Variants in CSMD1 observed in about 807,000 individuals in gnomAD.
CSMD1 encodes the protein CUB and Sushi multiple domains 1, also known as CUB and sushi domain-containing protein 1.
In CSMD1, 213 loss-of-function variants were observed where a neutral mutation model predicts 417.5. The observed-to-expected ratio is 0.51, with a 90% CI of 0.46 to 0.57. CSMD1 has a LOEUF of 0.57. CSMD1 is among the 20% of genes least tolerant of loss of function. The probability of loss-of-function intolerance (pLI) is 0.00; values close to 1 mark genes in which losing one functional copy is unlikely to be tolerated. For missense variants in CSMD1, 6,923 were observed against 4,529.7 expected (o/e 1.53, Z -15.17); for synonymous variants, 2,862 against 1,736.8 (o/e 1.65, Z -16.11).
At chr8:3,097,107 T>G in intron 46 of CSMD1, 70 bp from the exon 47 acceptor site, 1 of 1,249,336 alleles carries the variant, frequency 8.0e-7, no homozygotes, top group Non-Finnish European at 1.1e-6. Context: ...ATAGTTTCTA[T>G]CCCTGTATAA....
chr8:3,013,393 C>A (rs1471749963), intron 52 of CSMD1, among the ~76,000 whole-genome samples: 1 of 152,180 alleles, frequency 6.6e-6, no homozygotes, highest in Non-Finnish European at 1.5e-5. Flanking sequence ...CACCTGATAG[C>A]ATTTTAAATA....
chr8:4,803,379 T>G (rs992629071), intron 1 of CSMD1, among the ~76,000 whole-genome samples: 1 of 152,208 alleles, frequency 6.6e-6, no homozygotes, highest in Non-Finnish European at 1.5e-5. Context: ...CTACCAGTGA[T>G]GTACTCAACA....
At chr8:4,642,201 T>C (rs1023819758) in intron 1 of CSMD1, among the ~76,000 whole-genome samples, 30 of 152,000 alleles carry the variant, frequency 2.0e-4, no homozygotes, top group African/African-American at 6.0e-4. Flanking sequence ...AGCCATGGAG[T>C]TGATGGTTGG....
At chr8:3,178,044 G>C (rs1433098629) in intron 37 of CSMD1, among the ~76,000 whole-genome samples, 1 of 152,112 alleles carries the variant, frequency 6.6e-6, no homozygotes, top group Non-Finnish European at 1.5e-5. Context: ...TAATCTTTTT[G>C]AGCTTTTACT....
chr8:3,823,298 C>G (rs1478885416), intron 5 of CSMD1, among the ~76,000 whole-genome samples: 2 of 152,164 alleles, frequency 1.3e-5, no homozygotes, highest in Non-Finnish European at 2.9e-5. Flanking sequence ...ATCGCTTCCT[C>G]CTGCAAACCA....
At chr8:3,361,651 C>CAAAA (rs765648287) in intron 20 of CSMD1, among the ~76,000 whole-genome samples, 133 of 78,790 alleles carry the variant, frequency 1.7e-3, no homozygotes, top group East Asian at 3.0e-3. Flanking sequence ...GATTCCATCT[C>CAAAA]AAAAAAAAAA....
At chr8:3,273,929 C>G (rs1206759098) in intron 26 of CSMD1, among the ~76,000 whole-genome samples, 1 of 152,002 alleles carries the variant, frequency 6.6e-6, no homozygotes, top group African/African-American at 2.4e-5. Flanking sequence ...CTATTTCCTT[C>G]AGTTCTACTC....
intron 5 of CSMD1, among the ~76,000 whole-genome samples, chr8:3,897,031 C>A (rs1807418121): frequency 6.6e-6 from 1 of 151,930 alleles, no homozygotes; most frequent in African/African-American, 2.4e-5. Flanking sequence ...CTCCCTGGAT[C>A]TAATTTTTGT....
chr8:3,958,845 G>A (rs566434568), intron 5 of CSMD1, among the ~76,000 whole-genome samples: 2 of 152,170 alleles, frequency 1.3e-5, no homozygotes, highest in Non-Finnish European at 2.9e-5. Context: ...TTGTGTAGTA[G>A]GTGAAGTGTA....
chr8:4,355,547 G>A (rs1375476211), intron 3 of CSMD1, among the ~76,000 whole-genome samples: 4 of 152,168 alleles, frequency 2.6e-5, no homozygotes, highest in African/African-American at 4.8e-5. Context: ...CAGTACATAA[G>A]TGAAGAAATA....
chr8:3,661,183 C>T (rs564126410), intron 7 of CSMD1, among the ~76,000 whole-genome samples: 1 of 152,190 alleles, frequency 6.6e-6, no homozygotes, highest in African/African-American at 2.4e-5. Flanking sequence ...TTGCAACTAA[C>T]TGAACAGGCA....
At chr8:3,895,507 A>T (rs1294541968) in intron 5 of CSMD1, among the ~76,000 whole-genome samples, 1 of 152,170 alleles carries the variant, frequency 6.6e-6, no homozygotes, top group Non-Finnish European at 1.5e-5. Flanking sequence ...TATCAATTTA[A>T]GTGTATCTAT....
At chr8:4,665,439 G>A (rs1007396009) in intron 1 of CSMD1, among the ~76,000 whole-genome samples, 1 of 152,164 alleles carries the variant, frequency 6.6e-6, no homozygotes, top group Non-Finnish European at 1.5e-5. Flanking sequence ...CCATAACCAT[G>A]AGAGATTCAA....
intron 21 of CSMD1, among the ~76,000 whole-genome samples, chr8:3,353,980 C>T (rs1323724113): frequency 6.6e-6 from 1 of 152,126 alleles, no homozygotes; most frequent in African/African-American, 2.4e-5. Flanking sequence ...CCTGCTGTAA[C>T]AAAGTACCAC....
intron 2 of CSMD1, among the ~76,000 whole-genome samples, chr8:4,626,800 T>C (rs182972276): frequency 5.5e-4 from 84 of 152,252 alleles, no homozygotes; most frequent in Non-Finnish European, 1.0e-3. Flanking sequence ...CTGTGCAGAG[T>C]TCTGAATTCT....
intron 3 of CSMD1, among the ~76,000 whole-genome samples, chr8:4,090,135 T>A (rs911484640): frequency 6.6e-6 from 1 of 152,228 alleles, no homozygotes; most frequent in African/African-American, 2.4e-5. Context: ...TCATCATTAA[T>A]AGAATACAGT....
At chr8:4,422,090 C>T (rs1331566005) in intron 2 of CSMD1, among the ~76,000 whole-genome samples, 1 of 151,972 alleles carries the variant, frequency 6.6e-6, no homozygotes, top group African/African-American at 2.4e-5. Flanking sequence ...TACAACTAAC[C>T]AATGAAAAAA....
At chr8:3,906,326 G>A (rs1220911614) in intron 5 of CSMD1, among the ~76,000 whole-genome samples, 3 of 152,090 alleles carry the variant, frequency 2.0e-5, no homozygotes, top group African/African-American at 7.2e-5. Context: ...TCAATTTGGT[G>A]TACTAATTCA....
At chr8:4,959,973 T>C (rs1449622457) in intron 1 of CSMD1, among the ~76,000 whole-genome samples, 2 of 152,192 alleles carry the variant, frequency 1.3e-5, no homozygotes, top group African/African-American at 4.8e-5. Context: ...AAAATGTATT[T>C]TGTTACTGAC....
Sources: allele counts gnomAD v4.1 joint callset (sites outside exome capture counted in the v4.1 genomes callset), GRCh38; gene constraint gnomAD v4.1.1; transcripts MANE v1.5; gene names NCBI Gene and HGNC (gene_info 2026-07-23, HGNC 2026-07-21).